The following ARHGEF4 variants were observed in gnomAD, a reference collection of about 807,000 sequenced individuals.
ARHGEF4 encodes APC-stimulated guanine nucleotide exchange factor 1.
Under a neutral mutation model 162.0 loss-of-function variants are expected in ARHGEF4, and 119 were observed. That is an observed-to-expected ratio of 0.73 (90% confidence interval 0.63 to 0.86). The LOEUF is 0.86. Ranked by LOEUF, ARHGEF4 falls within the 40% of genes least tolerant of loss-of-function variation. The probability of loss-of-function intolerance (pLI) is 0.00; values close to 1 mark genes in which losing one functional copy is unlikely to be tolerated. For missense variants in ARHGEF4, 2,488 were observed against 2,456.0 expected (o/e 1.01, Z -0.28); for synonymous variants, 1,014 against 979.9 (o/e 1.03, Z -0.65).
chr2:130,948,513 C>T (rs572548318), intron 4 of ARHGEF4, among the ~76,000 whole-genome samples: 37 of 152,228 alleles, frequency 2.4e-4, no homozygotes, highest in Non-Finnish European at 4.3e-4. Flanking sequence ...TGATTTTGGC[C>T]TTTCAAGTCA....
At chr2:130,990,162 A>T (rs1686845574) in intron 4 of ARHGEF4, among the ~76,000 whole-genome samples, 1 of 152,184 alleles carries the variant, frequency 6.6e-6, no homozygotes, top group African/African-American at 2.4e-5. Flanking sequence ...TTACTTTTTT[A>T]ATGAAAATGG....
At chr2:130,987,626 A>C (rs932723164) in intron 4 of ARHGEF4, among the ~76,000 whole-genome samples, 2 of 152,140 alleles carry the variant, frequency 1.3e-5, no homozygotes, top group African/African-American at 4.8e-5. Flanking sequence ...AGCACTGATT[A>C]GTGCATTTTA....
At chr2:130,893,855 A>C (rs760094208) in intron 1 of ARHGEF4, among the ~76,000 whole-genome samples, 19 of 152,240 alleles carry the variant, frequency 1.2e-4, no homozygotes, top group Admixed American at 6.5e-5. Context: ...GAGAAGAGCC[A>C]CAAGGATTTC....
intron 1 of ARHGEF4, among the ~76,000 whole-genome samples, chr2:130,851,802 T>C (rs1681434557): frequency 6.6e-6 from 1 of 152,224 alleles, no homozygotes; most frequent in African/African-American, 2.4e-5. Flanking sequence ...GTTGACCTGC[T>C]CTGCCAGTCT....
intron 1 of ARHGEF4, among the ~76,000 whole-genome samples, chr2:130,873,531 G>A (rs1678627357): frequency 6.6e-6 from 1 of 150,750 alleles, no homozygotes; most frequent in Non-Finnish European, 1.5e-5. Context: ...AGGTTGCAGT[G>A]AGCCGAGACT....
intron 3 of ARHGEF4, 41 bp from the exon 4 acceptor site, chr2:130,946,468 C>A (rs748872964): frequency 1.6e-5 from 25 of 1,578,238 alleles, no homozygotes; most frequent in Middle Eastern, 3.4e-4. Flanking sequence ...CCTGTCATTT[C>A]TTTTCTTCAT....
chr2:130,907,398 T>G (rs1024924847), intron 1 of ARHGEF4, among the ~76,000 whole-genome samples: 2 of 151,516 alleles, frequency 1.3e-5, no homozygotes, highest in Non-Finnish European at 2.9e-5. Context: ...TTTGTATTTT[T>G]TAGTAGAGAC....
chr2:131,017,498 C>T (rs1044998280), intron 4 of ARHGEF4, among the ~76,000 whole-genome samples: 2 of 152,166 alleles, frequency 1.3e-5, no homozygotes, highest in African/African-American at 4.8e-5. Context: ...TTTCTTTTCT[C>T]CCAGGCTGCA....
chr2:131,039,319 C>CA, intron 6 of ARHGEF4: 1 of 1,227,424 alleles, frequency 8.1e-7, no homozygotes, highest in Admixed American at 4.0e-5. Flanking sequence ...AGGCGCTAGA[C>CA]ATTTCCCAAG....
At chr2:130,929,281 C>G (rs1472089053) in intron 2 of ARHGEF4, among the ~76,000 whole-genome samples, 2 of 152,252 alleles carry the variant, frequency 1.3e-5, no homozygotes, top group East Asian at 3.9e-4. Context: ...TTGGACATAC[C>G]TGGAGAGCTA....
intron 4 of ARHGEF4, among the ~76,000 whole-genome samples, chr2:130,991,541 A>G (rs1230596466): frequency 6.6e-6 from 1 of 152,198 alleles, no homozygotes; most frequent in African/African-American, 2.4e-5. Context: ...CACTCGGAGC[A>G]GCCGGCCGGC....
chr2:130,886,823 T>C (rs954469007), intron 1 of ARHGEF4, among the ~76,000 whole-genome samples: 1 of 151,920 alleles, frequency 6.6e-6, no homozygotes, highest in Non-Finnish European at 1.5e-5. Context: ...TATTTCTTCT[T>C]GAGTCACTTT....
chr2:130,916,623 T>G lies in ARHGEF4; in HGVS notation c.2677T>G (p.Cys893Gly). The G allele has an allele frequency of 1.3e-6, 2 of 1,550,552 alleles. No individual in the cohort carries two copies. The highest frequency in any genetic ancestry group is 1.7e-6 in the Non-Finnish European group (2 of 1,146,976). The change falls in exon 2 of 14, where the codon TGC becomes GGC. Residue 893 changes from cysteine to glycine, a missense_variant. By Grantham distance (159) the Cys-to-Gly change is radical. This residue lies in a region of ARHGEF4 where 1,642 missense variants were observed against 1,481.5 expected (regional missense o/e 1.11). Coordinates refer to ENST00000409359, the MANE Select transcript of ARHGEF4 (RefSeq NM_001367493.1). ...TAGCCGAGGGCCTTCCTCTGAGAGC[T>G]GCAACGCAAAGAGACTCAAAACAAC... ...LGSRGPSSESCNAKRLKTTEK... is the reference protein window; with the variant it reads ...LGSRGPSSESGNAKRLKTTEK...
At chr2:130,949,861 C>G in intron 4 of ARHGEF4, among the ~76,000 whole-genome samples, 1 of 152,144 alleles carries the variant, frequency 6.6e-6, no homozygotes, top group Non-Finnish European at 1.5e-5. Flanking sequence ...GTTGGCCAGG[C>G]TGGTCTCGAA....
At position 131,040,174 on chromosome 2, in the gene ARHGEF4, C is replaced by T. The variant is rs1309120873; in HGVS notation, c.4464C>T (p.His1488=). ...ILSTERDYIK[H]LRDICEGYVR... ...GCACTGAGCGGGACTACATCAAGCA[C>T]CTGCGCGACATCTGCGAGGTGAGGC... Residue 1488 remains histidine, a synonymous_variant, in exon 7 of 14, where the codon CAC becomes CAT. Coordinates refer to ENST00000409359, the MANE Select transcript of ARHGEF4 (RefSeq NM_001367493.1). 2.5e-6 allele frequency: 4 copies of T among 1,610,996 alleles called. No individual in the cohort carries two copies. Among genetic ancestry groups the T allele is most frequent in the South Asian group, 1.1e-5 (1 of 90,940 alleles).
At chr2:130,971,518 C>T (rs1685366627) in intron 4 of ARHGEF4, among the ~76,000 whole-genome samples, 1 of 151,926 alleles carries the variant, frequency 6.6e-6, no homozygotes, top group Admixed American at 6.6e-5. Flanking sequence ...ATTAGCCAGG[C>T]GTGGTGGCGG....
In ARHGEF4 at chr2:131,035,885, G is replaced by A. The variant is rs923572320; in HGVS notation, c.4126-2968G>A. 3.0e-6 allele frequency: 3 copies of A among 984,978 alleles called. No individual in the cohort carries two copies. The African/African-American group carries it at 5.2e-5, about 17-fold the overall frequency. The allele number at this position is 984,978 out of a possible 1,614,324, so 61.0% of individuals were successfully genotyped here. On this transcript the variant is annotated intron_variant, in intron 5 of 13. Transcript: ENST00000409359. ...CAGTGGCGGTCACAGGGAGTAGCTGGAGGCAGAGCCTGGCAGCGTTGCCCT... is the reference window on the plus strand; with the variant it reads ...CAGTGGCGGTCACAGGGAGTAGCTGAAGGCAGAGCCTGGCAGCGTTGCCCT...
intron 1 of ARHGEF4, among the ~76,000 whole-genome samples, chr2:130,881,304 G>A (rs532480819): frequency 7.6e-4 from 115 of 152,192 alleles, no homozygotes; most frequent in Non-Finnish European, 1.4e-3. Context: ...ATGAGCCACC[G>A]CGCCCTGCAA....
chr2:130,954,231 G>A (rs1684130111), intron 4 of ARHGEF4, among the ~76,000 whole-genome samples: 1 of 152,194 alleles, frequency 6.6e-6, no homozygotes, highest in Non-Finnish European at 1.5e-5. Flanking sequence ...CCATAAAAAA[G>A]GATGAGTTCC....
Sources: allele counts gnomAD v4.1 joint callset (sites outside exome capture counted in the v4.1 genomes callset), GRCh38; gene constraint gnomAD v4.1.1; regional missense constraint gnomAD v4.1.1; transcripts MANE v1.5; gene names NCBI Gene and HGNC (gene_info 2026-07-23, HGNC 2026-07-21).